Variants in DPH6 observed in about 807,000 individuals in gnomAD.
DPH6 encodes diphthamine biosynthesis 6.
A neutral mutation model predicts 38.2 loss-of-function variants in DPH6; 33 were observed. That is an observed-to-expected ratio of 0.86 (90% CI 0.65 to 1.15). The LOEUF (loss-of-function observed/expected upper bound fraction) is 1.15. DPH6 is among the 50% of genes most tolerant of loss of function. The probability of loss-of-function intolerance (pLI) is 0.00; values close to 1 mark genes in which losing one functional copy is unlikely to be tolerated. For missense variants in DPH6, 325 were observed against 320.0 expected (o/e 1.02, Z -0.12); for synonymous variants, 108 against 103.0 (o/e 1.05, Z -0.30).
At chr15:35,320,948 C>G (rs1042359806) in intron 3 of DPH6, among the ~76,000 whole-genome samples, 1 of 152,136 alleles carries the variant, frequency 6.6e-6, no homozygotes, top group Non-Finnish European at 1.5e-5. Flanking sequence ...TGAGTGGAGT[C>G]AGCTGGTCAT....
intron 3 of DPH6, among the ~76,000 whole-genome samples, chr15:35,506,836 A>C (rs1041835974): frequency 3.3e-5 from 5 of 152,184 alleles, no homozygotes; most frequent in Non-Finnish European, 1.5e-5. Context: ...AAAAGTACCT[A>C]TGGCAAAGGG....
rs1309247296 is a variant in DPH6 at position 35,371,061 on chromosome 15, T to C, written c.*1089A>G. 1 of 151,524 alleles carries C rather than the reference T, an allele frequency of 6.6e-6. No homozygotes were observed. Among genetic ancestry groups the C allele is most frequent in the Admixed American group, 6.6e-5 (1 of 15,152 alleles). 9.4% of individuals were successfully genotyped at this position (151,524 alleles called of 1,614,324 possible). On this transcript the variant is annotated 3_prime_UTR_variant, in exon 9 of 9. Transcript: ENST00000256538. ...AGATACAGAGAAACCTAAATGCATATTAATACATGAAAGAAGCCAATCTGA... is the reference window on the plus strand; with the variant it reads ...AGATACAGAGAAACCTAAATGCATACTAATACATGAAAGAAGCCAATCTGA...
chr15:35,424,322 T>A (rs1460382705), intron 5 of DPH6, among the ~76,000 whole-genome samples: 1 of 151,646 alleles, frequency 6.6e-6, no homozygotes, highest in African/African-American at 2.4e-5. Context: ...TTGTCGCTAT[T>A]GTGAATGTGA....
intron 3 of DPH6, among the ~76,000 whole-genome samples, chr15:35,324,243 TAG>T (rs1187222997): frequency 6.6e-6 from 1 of 152,148 alleles, no homozygotes; most frequent in Non-Finnish European, 1.5e-5. Context: ...AATAGAGCAA[TAG>T]AGAGTGTCTG....
In DPH6 at chr15:35,371,011, A is replaced by C. The variant is rs2052706812; in HGVS notation, c.*1139T>G. The C allele has an allele frequency of 2.6e-5, 4 of 151,732 alleles. No homozygotes were observed. Among genetic ancestry groups the C allele is most frequent in the Admixed American group, 6.6e-5 (1 of 15,192 alleles). The allele number at this position is 151,732 out of a possible 1,614,324, so 9.4% of individuals were successfully genotyped here. ...ATAAAATTTTATTCTACACTAAAAA[A>C]AAAATGAGCTACATATACATGACAA... On this transcript the variant is annotated 3_prime_UTR_variant, in exon 9 of 9. Transcript: ENST00000256538.
At chr15:35,514,112 A>G (rs2054813442) in intron 3 of DPH6, among the ~76,000 whole-genome samples, 1 of 152,114 alleles carries the variant, frequency 6.6e-6, no homozygotes, top group Admixed American at 6.5e-5. Flanking sequence ...GTAGGGACTC[A>G]GTAATTCTCA....
intron 6 of DPH6, among the ~76,000 whole-genome samples, chr15:35,407,119 T>C (rs1450995061): frequency 1.3e-5 from 2 of 151,966 alleles, no homozygotes; most frequent in African/African-American, 4.8e-5. Flanking sequence ...GGAGCTGAAA[T>C]GTGTCAGTGG....
At chr15:35,444,319 A>G (rs1234518263) in intron 5 of DPH6, among the ~76,000 whole-genome samples, 1 of 152,166 alleles carries the variant, frequency 6.6e-6, no homozygotes, top group African/African-American at 2.4e-5. Flanking sequence ...TCATTCCTTT[A>G]TCCTTCCAAT....
At chr15:35,188,016 C>G in the DPH6 span, among the ~76,000 whole-genome samples, 1 of 152,114 alleles carries the variant, frequency 6.6e-6, no homozygotes, top group Non-Finnish European at 1.5e-5. Context: ...GGTGCTGCTA[C>G]AGTAGGTAGC....
intron 3 of DPH6, among the ~76,000 whole-genome samples, chr15:35,347,428 A>G (rs967936868): frequency 6.7e-6 from 1 of 149,612 alleles, no homozygotes; most frequent in Admixed American, 6.7e-5. Context: ...CTGGAATTGT[A>G]AGTGTGAGCC....
chr15:35,516,383 T>C (rs2054848019), intron 3 of DPH6, among the ~76,000 whole-genome samples: 1 of 152,208 alleles, frequency 6.6e-6, no homozygotes, highest in Non-Finnish European at 1.5e-5. Flanking sequence ...TGATGCTTCC[T>C]ATATGATCTA....
chr15:35,153,822 T>A, the DPH6 span, among the ~76,000 whole-genome samples: 1 of 152,118 alleles, frequency 6.6e-6, no homozygotes, highest in East Asian at 1.9e-4. Flanking sequence ...GCAAATGACA[T>A]GAATGCTTGA....
At chr15:35,306,978 G>A (rs753185630) in intron 3 of DPH6, among the ~76,000 whole-genome samples, 19 of 152,188 alleles carry the variant, frequency 1.2e-4, no homozygotes, top group Non-Finnish European at 2.5e-4. Flanking sequence ...GAGCATTTCA[G>A]GGATAAAGAA....
At chr15:35,351,003 G>A (rs560127742) in intron 3 of DPH6, among the ~76,000 whole-genome samples, 30 of 152,102 alleles carry the variant, frequency 2.0e-4, no homozygotes, top group Admixed American at 7.2e-4. Flanking sequence ...TGATCTATAC[G>A]TTATTGAAAT....
chr15:35,324,712 G>A (rs1003805018), intron 3 of DPH6, among the ~76,000 whole-genome samples: 3 of 151,798 alleles, frequency 2.0e-5, no homozygotes. Flanking sequence ...CAAAATTGAA[G>A]GAAAACCAAA....
At chr15:35,198,643 T>A in the DPH6 span, among the ~76,000 whole-genome samples, 1 of 152,322 alleles carries the variant, frequency 6.6e-6, no homozygotes, top group East Asian at 1.9e-4. Context: ...TGAACAAATA[T>A]GAAATGTACT....
At chr15:35,445,171 G>A (rs2053836330) in intron 5 of DPH6, among the ~76,000 whole-genome samples, 1 of 152,002 alleles carries the variant, frequency 6.6e-6, no homozygotes, top group African/African-American at 2.4e-5. Context: ...TCTCCCTCAA[G>A]GTGGTCTTCC....
chr15:35,272,662 A>T (rs1258862761), intron 3 of DPH6, among the ~76,000 whole-genome samples: 2 of 152,060 alleles, frequency 1.3e-5, no homozygotes, highest in Admixed American at 6.5e-5. Context: ...TAATCCTAGC[A>T]CTTTGGGAGG....
intron 1 of DPH6, among the ~76,000 whole-genome samples, chr15:35,545,515 T>C (rs1243316365): frequency 1.3e-5 from 2 of 152,212 alleles, no homozygotes; most frequent in African/African-American, 4.8e-5. Context: ...GAGATCTCTG[T>C]ACTTGAGTGC....
Sources: allele counts gnomAD v4.1 joint callset (sites outside exome capture counted in the v4.1 genomes callset), GRCh38; gene constraint gnomAD v4.1.1; transcripts MANE v1.5; gene names NCBI Gene and HGNC (gene_info 2026-07-23, HGNC 2026-07-21).